The following NOTCH2NLC variants were observed in gnomAD, a reference collection of about 807,000 sequenced individuals.
The protein encoded by NOTCH2NLC is notch 2 N-terminal like C, also known as notch homolog 2 N-terminal-like protein C.
NOTCH2NLC carries 4 observed loss-of-function variants against 17.7 expected under a neutral mutation model. The observed-to-expected ratio is 0.23, with a 90% CI of 0.11 to 0.52. The LOEUF (loss-of-function observed/expected upper bound fraction) is 0.52, where lower values mean the gene tolerates loss of function less well. NOTCH2NLC is among the 20% of genes least tolerant of loss of function. The pLI, the probability that NOTCH2NLC is intolerant of heterozygous loss-of-function variation, is 0.96. For missense variants in NOTCH2NLC, 57 were observed against 207.2 expected (o/e 0.28, Z 4.45); for synonymous variants, 18 against 86.0 (o/e 0.21, Z 4.38).
chr1:149,392,899 G>C (rs1313881824), intron 1 of NOTCH2NLC, among the ~76,000 whole-genome samples: 1 of 149,936 alleles, frequency 6.7e-6, no homozygotes, highest in Non-Finnish European at 1.5e-5. Flanking sequence ...GTGAAACCCC[G>C]TCTCTACTAA....
chr1:149,392,835 GC>G (rs1413294790), intron 1 of NOTCH2NLC, among the ~76,000 whole-genome samples: 1,920 of 151,004 alleles, frequency 0.013, 84 homozygotes, highest in South Asian at 0.025. Context: ...ACTTTGGGAG[GC>G]CGAGGCGGGC....
chr1:149,445,057 A>T, intron 2 of NOTCH2NLC, among the ~76,000 whole-genome samples: 2 of 141,278 alleles, frequency 1.4e-5, no homozygotes, highest in Non-Finnish European at 3.1e-5. Flanking sequence ...AGTTAACTAG[A>T]AGTCCTCATG....
At chr1:149,445,538 T>A (rs1408656947) in intron 2 of NOTCH2NLC, among the ~76,000 whole-genome samples, 1 of 148,574 alleles carries the variant, frequency 6.7e-6, no homozygotes, top group Admixed American at 6.7e-5. Flanking sequence ...CTTACCTCAT[T>A]TACCTTAACG....
intron 1 of NOTCH2NLC, among the ~76,000 whole-genome samples, chr1:149,394,776 C>T (rs1227358805): frequency 1.3e-5 from 2 of 150,956 alleles, no homozygotes; most frequent in African/African-American, 4.9e-5. Flanking sequence ...AATTTTCCTT[C>T]CACCCTTTCC....
rs1356422747 is a variant in NOTCH2NLC at position 149,471,593 on chromosome 1, T to C, written c.*7440T>C. Among the ~76,000 whole-genome samples, 15 of 149,724 alleles carry C rather than the reference T, an allele frequency of 1.0e-4. No individual in the cohort carries two copies. Among genetic ancestry groups the C allele is most frequent in the Admixed American group, 8.7e-4 (13 of 14,916 alleles). ...CAAGTACATCTATATATAGAGAAAG[T>C]AGATTAGTGGTTGTCAGAGACTGCA... On this transcript the variant is annotated 3_prime_UTR_variant, in exon 5 of 5. Transcript: ENST00000650865.
chr1:149,424,866 TTTC>T (rs1195272994), intron 1 of NOTCH2NLC, among the ~76,000 whole-genome samples: 2 of 151,120 alleles, frequency 1.3e-5, no homozygotes, highest in Non-Finnish European at 3.0e-5. Context: ...TGTCAGTCTC[TTTC>T]AAACAACCAG....
chr1:149,428,919 A>G (rs2084427722), intron 1 of NOTCH2NLC, among the ~76,000 whole-genome samples: 2 of 149,208 alleles, frequency 1.3e-5, no homozygotes, highest in South Asian at 4.3e-4. Context: ...AGTAAATAGA[A>G]AAAACCCCGG....
In NOTCH2NLC at chr1:149,467,346, C is replaced by T. The variant is rs2084690590; in HGVS notation, c.*3193C>T. 1 of 140,508 alleles carries T rather than the reference C, an allele frequency of 7.1e-6. No individual in the cohort carries two copies. Among genetic ancestry groups the T allele is most frequent in the African/African-American group, 2.6e-5 (1 of 37,874 alleles). 8.7% of individuals were successfully genotyped at this position (140,508 alleles called of 1,614,324 possible). A position where few individuals can be genotyped will look rare whatever the true frequency, so the allele number is the denominator to read the frequency against. ...TAAATGGTTAATTTACAATTTTTTC[C>T]CTGCAAAGGATACTGTAGTCACTGT... On this transcript the variant is annotated 3_prime_UTR_variant, in exon 5 of 5. Coordinates refer to ENST00000650865, the MANE Select transcript of NOTCH2NLC (RefSeq NM_001364013.2).
chr1:149,460,636 C>T (rs1462918517), intron 3 of NOTCH2NLC, among the ~76,000 whole-genome samples: 1 of 149,410 alleles, frequency 6.7e-6, no homozygotes, highest in African/African-American at 2.5e-5. Flanking sequence ...CACACCCGGC[C>T]GATTCTGATC....
At chr1:149,417,060 A>G (rs2084339539) in intron 1 of NOTCH2NLC, among the ~76,000 whole-genome samples, 1 of 116,738 alleles carries the variant, frequency 8.6e-6, no homozygotes, top group Non-Finnish European at 1.8e-5. Flanking sequence ...AATGTATATT[A>G]TGGAAGTTTG....
intron 1 of NOTCH2NLC, among the ~76,000 whole-genome samples, chr1:149,419,347 C>A (rs2101478858): frequency 6.6e-6 from 1 of 150,472 alleles, no homozygotes; most frequent in South Asian, 2.1e-4. Flanking sequence ...AATGGAGAAA[C>A]CTAGAGTTCT....
Position 149,390,817 on chromosome 1 carries a change from C to CGGCGGCGGCGGAGGA in NOTCH2NLC, c.41_42insAGGAGGCGGCGGCGG (p.Gly14_Gly18dup), listed in dbSNP as rs1553702679. On this transcript the variant is annotated inframe_insertion, in exon 1 of 5. Transcript: ENST00000650865. ...GGATCTGCCCAGGCGGCGGCGGCGG[C>CGGCGGCGGCGGAGGA]GGCGGCGGCGGCGGAGGAGGCGGCG... 104 of 1,301,510 alleles carry CGGCGGCGGCGGAGGA rather than the reference C, an allele frequency of 8.0e-5. 8 individuals are homozygous for CGGCGGCGGCGGAGGA. Among genetic ancestry groups the CGGCGGCGGCGGAGGA allele is most frequent in the Middle Eastern group, 2.8e-4 (1 of 3,520 alleles). 80.6% of individuals were successfully genotyped at this position (1,301,510 alleles called of 1,614,324 possible).
chr1:149,417,097 CTTTTTTTTTTTTTT>C lies in NOTCH2NLC; in HGVS notation c.136-13828_136-13815del, dbSNP rs1171555647. On this transcript the variant is annotated intron_variant, in intron 1 of 4. Coordinates refer to ENST00000650865, the MANE Select transcript of NOTCH2NLC (RefSeq NM_001364013.2). ...AGATTATGGTGGATATCAGGTTTTC[CTTTTTTTTTTTTTT>C]TTTTTTTTTTTTTTTTGAGACAGAG... 2.7e-4 allele frequency among the ~76,000 whole-genome samples: 19 copies of C among 69,592 alleles called. No homozygotes were observed. In the East Asian group the frequency reaches 7.6e-3, roughly 28 times the overall value. The allele number at this position is 69,592 out of a possible 152,430, so 45.7% of individuals were successfully genotyped here.
intron 3 of NOTCH2NLC, among the ~76,000 whole-genome samples, chr1:149,460,913 T>TTCTTTCTTTCTTTCTTTCTTTCTC (rs2084645506): frequency 4.4e-5 from 5 of 114,450 alleles, no homozygotes; most frequent in East Asian, 2.9e-4. Context: ...CTTTCTTTCT[T>TTCTTTCTTTCTTTCTTTCTTTCTC]TCTCTCTCTT....
chr1:149,466,407 G>C lies in NOTCH2NLC; in HGVS notation c.*2254G>C, dbSNP rs1348522283. The C allele has an allele frequency of 2.1e-5, 3 of 141,446 alleles. No homozygotes were observed. Among genetic ancestry groups the C allele is most frequent in the Non-Finnish European group, 4.7e-5 (3 of 63,820 alleles). 8.8% of individuals were successfully genotyped at this position (141,446 alleles called of 1,614,324 possible). ...ATAAATATATAGAAGGAAATTTAAA[G>C]AGAATTCAAAACAATAGATGATGCA... is the stretch of plus-strand genomic sequence containing the variant. On this transcript the variant is annotated 3_prime_UTR_variant, in exon 5 of 5. Transcript: ENST00000650865.
chr1:149,414,516 A>T (rs2084319560), intron 1 of NOTCH2NLC, among the ~76,000 whole-genome samples: 1 of 151,092 alleles, frequency 6.6e-6, no homozygotes, highest in Non-Finnish European at 1.5e-5. Flanking sequence ...TCACACCCTT[A>T]AAAAATGTAT....
chr1:149,443,836 TTA>T (rs1448642340), intron 2 of NOTCH2NLC, among the ~76,000 whole-genome samples: 2 of 105,544 alleles, frequency 1.9e-5, no homozygotes, highest in Non-Finnish European at 3.9e-5. Context: ...TAATATATCT[TTA>T]TGTTTTACTA....
chr1:149,423,588 A>C (rs2084391492), intron 1 of NOTCH2NLC, among the ~76,000 whole-genome samples: 1 of 147,852 alleles, frequency 6.8e-6, no homozygotes. Context: ...TGCCAGAATC[A>C]ACAGCAGCCA....
intron 1 of NOTCH2NLC, among the ~76,000 whole-genome samples, chr1:149,427,132 T>A (rs1304343297): frequency 6.6e-6 from 1 of 151,504 alleles, no homozygotes; most frequent in East Asian, 1.9e-4. Context: ...CTCAAATATT[T>A]AACATTTTTT....
Sources: gnomAD v4.1 joint callset for allele counts (sites outside exome capture counted in the v4.1 genomes callset) on GRCh38, gnomAD v4.1.1 for gene constraint, MANE v1.5 for transcripts, NCBI Gene and HGNC (gene_info 2026-07-23, HGNC 2026-07-21) for gene names.